MCHR2: variants seen among roughly 807,000 people sequenced by gnomAD.
MCHR2 encodes the protein melanin-concentrating hormone receptor 2.
MCHR2 carries 15 observed loss-of-function variants against 24.8 expected under a neutral mutation model. That is an observed-to-expected ratio of 0.60 (90% CI 0.40 to 0.93). The LOEUF (loss-of-function observed/expected upper bound fraction) is 0.93. MCHR2 is among the 40% of genes least tolerant of loss of function. MCHR2 has a pLI of 0.00. For synonymous variants in MCHR2, 151 were observed against 147.6 expected (o/e 1.02, Z -0.17); for missense variants, 386 against 408.7 (o/e 0.94, Z 0.48).
At chr6:99,933,541 G>A (rs1179090822) in intron 5 of MCHR2, among the ~76,000 whole-genome samples, 1 of 151,948 alleles carries the variant, frequency 6.6e-6, no homozygotes, top group African/African-American at 2.4e-5. Flanking sequence ...GAAACTAAGT[G>A]GGAAAAAAAT....
chr6:99,922,202 G>C (rs1243378938), intron 5 of MCHR2, among the ~76,000 whole-genome samples: 2 of 151,410 alleles, frequency 1.3e-5, no homozygotes, highest in Non-Finnish European at 2.9e-5. Flanking sequence ...CGCCTCCTGG[G>C]TTCATGCCAT....
chr6:99,979,259 G>T (rs1025078425), intron 1 of MCHR2, among the ~76,000 whole-genome samples: 1 of 152,144 alleles, frequency 6.6e-6, no homozygotes, highest in Non-Finnish European at 1.5e-5. Context: ...CACTGTACAC[G>T]CAAGGAAAGA....
rs191657680 is a variant in MCHR2 at position 99,921,413 on chromosome 6, T to C, written c.708-158A>G. Reference sequence around the variant, plus strand: ...TTACTTGGTGCATTGTGATATATTCTTTTTTATTCTTGTTGAAAACTTTCC... The same window carrying C: ...TTACTTGGTGCATTGTGATATATTCCTTTTTATTCTTGTTGAAAACTTTCC... On this transcript the variant is annotated intron_variant, in intron 5 of 5. Transcript: ENST00000281806. Among the ~76,000 whole-genome samples, 282 of 152,342 alleles carry C rather than the reference T, an allele frequency of 1.9e-3. 1 individual carries two copies. Among genetic ancestry groups the C allele is most frequent in the African/African-American group, 6.5e-3 (269 of 41,578 alleles).
In MCHR2 at chr6:99,970,486, G is replaced by A. The variant is rs539716317; in HGVS notation, c.-27-14312C>T. Among the ~76,000 whole-genome samples the A allele has an allele frequency of 3.4e-4, 51 of 152,152 alleles. No individual in the cohort carries two copies. The South Asian group carries it at 9.6e-3, about 29-fold the overall frequency. ...GCCCTTTGTCATATGAGTAGGGTGC[G>A]AAAATTTTCTCCCATTTTGTAGGTT... is the stretch of plus-strand genomic sequence containing the variant. On this transcript the variant is annotated intron_variant, in intron 1 of 5. Transcript: ENST00000281806.
At chr6:99,931,196 A>C (rs1012785092) in intron 5 of MCHR2, among the ~76,000 whole-genome samples, 2 of 152,082 alleles carry the variant, frequency 1.3e-5, no homozygotes, top group Non-Finnish European at 2.9e-5. Flanking sequence ...TTCCCCTGGA[A>C]GTTTTGTCTC....
chr6:99,947,195 CAAT>C (rs1020741792), intron 3 of MCHR2, among the ~76,000 whole-genome samples: 14 of 152,218 alleles, frequency 9.2e-5, no homozygotes, highest in African/African-American at 3.1e-4. Flanking sequence ...TAACCAATCA[CAAT>C]AATGTTTGTA....
intron 4 of MCHR2, among the ~76,000 whole-genome samples, chr6:99,938,539 T>C (rs1774710736): frequency 6.6e-6 from 1 of 152,098 alleles, no homozygotes; most frequent in South Asian, 2.1e-4. Flanking sequence ...CTAGTTTTAG[T>C]CCATTGTGGT....
intron 1 of MCHR2, among the ~76,000 whole-genome samples, chr6:99,989,718 A>C (rs1775832687): frequency 6.6e-6 from 1 of 152,166 alleles, no homozygotes; most frequent in Non-Finnish European, 1.5e-5. Flanking sequence ...TATTTCAAGA[A>C]CATTACATAA....
chr6:99,931,241 C>T (rs1562118853), intron 5 of MCHR2, among the ~76,000 whole-genome samples: 1 of 152,162 alleles, frequency 6.6e-6, no homozygotes, highest in East Asian at 1.9e-4. Flanking sequence ...TGTCAGTCTG[C>T]CCCTACTGGG....
chr6:99,943,236 TTA>T, intron 3 of MCHR2, 93 bp from the exon 4 acceptor site: 1 of 928,244 alleles, frequency 1.1e-6, no homozygotes, highest in Non-Finnish European at 1.5e-6. Flanking sequence ...ATTCTTAGCA[TTA>T]TTTTCCTTTC....
At chr6:99,959,913 T>C (rs936572007) in intron 1 of MCHR2, among the ~76,000 whole-genome samples, 2 of 151,630 alleles carry the variant, frequency 1.3e-5, no homozygotes, top group South Asian at 4.2e-4. Flanking sequence ...ATACATGTTA[T>C]GGGCATCTCA....
At chr6:99,923,565 T>G (rs920568069) in intron 5 of MCHR2, among the ~76,000 whole-genome samples, 1 of 152,118 alleles carries the variant, frequency 6.6e-6, no homozygotes, top group Non-Finnish European at 1.5e-5. Context: ...GGTATGTTCC[T>G]CCTATAACTA....
At chr6:99,985,346 C>T (rs905402236) in intron 1 of MCHR2, among the ~76,000 whole-genome samples, 1 of 151,878 alleles carries the variant, frequency 6.6e-6, no homozygotes, top group Non-Finnish European at 1.5e-5. Flanking sequence ...TCATATGAAA[C>T]CAAAAAAGAG....
chr6:99,936,243 C>A (rs1438232843), intron 4 of MCHR2, among the ~76,000 whole-genome samples: 1 of 151,914 alleles, frequency 6.6e-6, no homozygotes. Context: ...GTTGCCTGTG[C>A]TTTTGAGGTC....
intron 1 of MCHR2, among the ~76,000 whole-genome samples, chr6:99,968,367 T>C (rs1775332928): frequency 6.6e-6 from 1 of 152,192 alleles, no homozygotes; most frequent in Non-Finnish European, 1.5e-5. Flanking sequence ...TCTTTATATA[T>C]TGATATTGTT....
chr6:99,933,691 A>AT (rs1562119748), intron 5 of MCHR2, among the ~76,000 whole-genome samples: 1 of 152,138 alleles, frequency 6.6e-6, no homozygotes, highest in Non-Finnish European at 1.5e-5. Context: ...AGGGAAACCC[A>AT]GCAAACTTGC....
intron 1 of MCHR2, among the ~76,000 whole-genome samples, chr6:99,958,234 G>T (rs993102211): frequency 6.6e-6 from 1 of 151,944 alleles, no homozygotes; most frequent in African/African-American, 2.4e-5. Context: ...GAGAAGTGAG[G>T]AAAGAATGGA....
intron 2 of MCHR2, among the ~76,000 whole-genome samples, chr6:99,948,994 G>T (rs973661878): frequency 1.3e-5 from 2 of 152,090 alleles, no homozygotes; most frequent in Non-Finnish European, 2.9e-5. Context: ...TGGGAGAAGT[G>T]AATTCAATGC....
chr6:99,937,826 T>C (rs1009027359), intron 4 of MCHR2, among the ~76,000 whole-genome samples: 7 of 151,782 alleles, frequency 4.6e-5, no homozygotes, highest in African/African-American at 1.7e-4. Flanking sequence ...AATGAAGTCA[T>C]CAGGTCCTGG....
Sources: allele counts gnomAD v4.1 joint callset (sites outside exome capture counted in the v4.1 genomes callset), GRCh38; gene constraint gnomAD v4.1.1; transcripts MANE v1.5; gene names NCBI Gene and HGNC (gene_info 2026-07-23, HGNC 2026-07-21).